MTMR3: variants seen among roughly 807,000 people sequenced by gnomAD.
MTMR3 encodes the protein phosphatidylinositol-3,5-bisphosphate 3-phosphatase MTMR3.
MTMR3 carries 32 observed loss-of-function variants against 132.4 expected under a neutral mutation model. That is an observed-to-expected ratio of 0.24 (90% confidence interval 0.18 to 0.32). The LOEUF (loss-of-function observed/expected upper bound fraction) is 0.32. Among genes scored for constraint, MTMR3 ranks in the 10% least tolerant of loss-of-function variants. The probability of loss-of-function intolerance (pLI) is 1.00; values close to 1 mark genes in which losing one functional copy is unlikely to be tolerated. For missense variants in MTMR3, 1,216 were observed against 1,489.6 expected, an observed-to-expected ratio of 0.82 and a Z score of 3.02; for synonymous variants, 556 against 550.3, an observed-to-expected ratio of 1.01 and a Z score of -0.14.
chr22:29,974,976 CT>C (rs565827849), intron 3 of MTMR3, among the ~76,000 whole-genome samples: 1 of 152,072 alleles, frequency 6.6e-6, no homozygotes, highest in Non-Finnish European at 1.5e-5. Flanking sequence ...CATTTGGTCT[CT>C]TTTTTTGGAG....
In MTMR3 at chr22:29,996,786, G is replaced by A. The variant is rs1484986143; in HGVS notation, c.461-1975G>A. 7 of 152,184 alleles carry A rather than the reference G, an allele frequency of 4.6e-5. No individual in the cohort carries two copies. In the East Asian group the frequency reaches 1.2e-3, roughly 25 times the overall value. 9.4% of individuals were successfully genotyped at this position (152,184 alleles called of 1,614,324 possible). A position where few individuals can be genotyped will look rare whatever the true frequency, so the allele number is the denominator to read the frequency against. ...CTGTTGCCCAGGCTGGAGTGCAATGGTGTGATGATGGCTCACTGCAGCCTC... is the reference window on the plus strand; with the variant it reads ...CTGTTGCCCAGGCTGGAGTGCAATGATGTGATGATGGCTCACTGCAGCCTC... On this transcript the variant is annotated intron_variant, in intron 7 of 19. Transcript: ENST00000401950.
rs144950483 is a variant in MTMR3, at chr22:30,029,297, C to T, written c.*3496C>T. The T allele has an allele frequency of 4.1e-4, 63 of 152,470 alleles. No homozygotes were observed. The highest frequency in any genetic ancestry group is 1.5e-3 in the African/African-American group (61 of 41,576). 9.4% of individuals were successfully genotyped at this position (152,470 alleles called of 1,614,324 possible). ...CGTTACCTTTCTTCTATACCTTGGC[C>T]TCTGTAACTGCAGTCCAAAACAAGT... On this transcript the variant is annotated 3_prime_UTR_variant, in exon 20 of 20. Coordinates refer to ENST00000401950, the MANE Select transcript of MTMR3 (RefSeq NM_021090.4).
chr22:29,964,082 C>A (rs1185992753), intron 2 of MTMR3, among the ~76,000 whole-genome samples: 1 of 152,202 alleles, frequency 6.6e-6, no homozygotes, highest in Admixed American at 6.5e-5. Context: ...TACATTCTCA[C>A]TAGCAGAGTA....
intron 1 of MTMR3, among the ~76,000 whole-genome samples, chr22:29,915,573 C>T (rs868623953): frequency 6.6e-5 from 10 of 152,150 alleles, no homozygotes; most frequent in South Asian, 2.1e-4. Flanking sequence ...AGGCGCCTGC[C>T]ACCATGCCCG....
intron 2 of MTMR3, among the ~76,000 whole-genome samples, chr22:29,959,418 A>C (rs1208213691): frequency 1.3e-5 from 2 of 152,072 alleles, no homozygotes; most frequent in Non-Finnish European, 2.9e-5. Flanking sequence ...TTGTTCTGTC[A>C]CCCAGGCTGG....
chr22:30,011,458 G>C (rs1178074760), intron 12 of MTMR3: 1 of 152,330 alleles, frequency 6.6e-6, no homozygotes, highest in African/African-American at 2.4e-5. Context: ...CACCTCCCGG[G>C]TTCAAGTGAT....
chr22:30,019,585 G>A lies in MTMR3; in HGVS notation c.1926G>A (p.Gln642=). ...ACCCCAGCCTGAACGAGAAGTGGCA[G>A]GAGCACCGGCGCTCACTAGAGCTGA... ...CSDPSLNEKW[Q]EHRRSLELSS... is the part of the protein sequence containing the mutation. Residue 642 remains glutamine (Q), a synonymous_variant, in exon 17 of 20, where the codon CAG becomes CAA. Transcript: ENST00000401950. 2 of 1,613,986 alleles carry A rather than the reference G, an allele frequency of 1.2e-6. No individual in the cohort carries two copies. Among genetic ancestry groups the A allele is most frequent in the Non-Finnish European group, 8.5e-7 (1 of 1,180,056 alleles).
In MTMR3 at chr22:30,022,683, G is replaced by T; in HGVS notation, c.3411G>T (p.Arg1137Ser). ...ACDSAFWLAS[R>S]KHHCRNCGNV... is the part of the protein sequence containing the mutation. Reference sequence around the variant, plus strand: ...ACAGTGCCTTCTGGCTTGCCAGCAGGAAGCACCACTGCAGGTACCATTGAG... The same window carrying T: ...ACAGTGCCTTCTGGCTTGCCAGCAGTAAGCACCACTGCAGGTACCATTGAG... The change falls in exon 19 of 20, where the codon AGG becomes AGT. Residue 1137 changes from arginine to serine, a missense_variant. Arg to Ser is a moderately radical substitution (Grantham distance 110). Around this residue, in one of 7 missense-constraint regions of MTMR3, gnomAD observed 852 missense variants for 852.0 expected, o/e 1.00. Transcript: ENST00000401950. 1 of 1,609,150 alleles carries T rather than the reference G, an allele frequency of 6.2e-7. No homozygotes were observed.
In MTMR3 at chr22:29,970,564, A is replaced by C. The variant is rs554185924; in HGVS notation, c.-84-412A>C. On this transcript the variant is annotated intron_variant, in intron 2 of 19. Transcript: ENST00000401950. The stretch of plus-strand genomic sequence containing the variant: ...ACTCTGTTGCCCAGGCTGGTCTCAA[A>C]CTTCTGAGCTCAGGCTATCTGCCTC... Among the ~76,000 whole-genome samples, 226 of 139,206 alleles carry C rather than the reference A, an allele frequency of 1.6e-3. 1 individual carries two copies. Among genetic ancestry groups the C allele is most frequent in the African/African-American group, 6.0e-3 (216 of 35,960 alleles). 91.3% of individuals were successfully genotyped at this position (139,206 alleles called of 152,430 possible). A position where few individuals can be genotyped will look rare whatever the true frequency, so the allele number is the denominator to read the frequency against.
At chr22:29,995,320 C>T (rs1458119327) in intron 7 of MTMR3, 1 of 152,240 alleles carries the variant, frequency 6.6e-6, no homozygotes, top group Non-Finnish European at 1.5e-5. Context: ...AGAGGTAGTT[C>T]TTACCTTCTC....
rs558013011 is a variant in MTMR3, at chr22:29,891,841, G to C, written c.-138+8482G>C. Among the ~76,000 whole-genome samples the C allele has an allele frequency of 2.6e-5, 4 of 151,996 alleles. No individual in the cohort carries two copies. In the East Asian group the frequency reaches 7.8e-4, roughly 29 times the overall value. Reference sequence around the variant, plus strand: ...TAGTTTTGCTGGTCCAGTTTAGTTGGATCATGAATACCTTTAAAATGTCCC... The same window carrying C: ...TAGTTTTGCTGGTCCAGTTTAGTTGCATCATGAATACCTTTAAAATGTCCC... On this transcript the variant is annotated intron_variant, in intron 1 of 19. Transcript: ENST00000401950.
rs1297213808 is a variant in MTMR3, at chr22:30,002,868, T to C, written c.558-12T>C. The C allele has an allele frequency of 6.2e-7, 1 of 1,605,072 alleles. No individual in the cohort carries two copies. The highest frequency in any genetic ancestry group is 8.5e-7 in the Non-Finnish European group (1 of 1,171,944). On this transcript the variant is annotated splice_polypyrimidine_tract_variant and intron_variant, in intron 8 of 19. Transcript: ENST00000401950. The stretch of plus-strand genomic sequence containing the variant: ...TCCCCTTGACTCTCCCCACTTCTCA[T>C]CTTCTCTTTAGATTATGTGGTAGCT...
At chr22:29,984,049 G>A (rs144017873) in intron 5 of MTMR3, 448 of 152,014 alleles carry the variant, frequency 2.9e-3, no homozygotes, top group Admixed American at 5.0e-3. Flanking sequence ...GAACTCCTGG[G>A]CTCAAGCGAT....
At chr22:29,988,747 T>G (rs950102246) in intron 6 of MTMR3, 185 bp downstream of exon 6, 7 of 208,230 alleles carry the variant, frequency 3.4e-5, no homozygotes, top group Non-Finnish European at 5.4e-5. Context: ...TTGAAAGATG[T>G]TTTTTTTTTT....
rs556857644 is a variant in MTMR3, at chr22:30,030,700, C to T, written c.*4899C>T. 7 of 150,124 alleles carry T rather than the reference C, an allele frequency of 4.7e-5. No homozygotes were observed. Among genetic ancestry groups the T allele is most frequent in the East Asian group, 1.9e-4 (1 of 5,168 alleles). The allele number at this position is 150,124 out of a possible 1,614,324, so 9.3% of individuals were successfully genotyped here. A position where few individuals can be genotyped will look rare whatever the true frequency, so the allele number is the denominator to read the frequency against. Reference sequence around the variant, plus strand: ...TTCATGGATTCCTGATGTTTAGAGGCGGAAGGGACCTTAGGTCACCTACTT... The same window carrying T: ...TTCATGGATTCCTGATGTTTAGAGGTGGAAGGGACCTTAGGTCACCTACTT... On this transcript the variant is annotated 3_prime_UTR_variant, in exon 20 of 20. Coordinates refer to ENST00000401950, the MANE Select transcript of MTMR3 (RefSeq NM_021090.4).
chr22:30,016,256 G>A, intron 14 of MTMR3: 1 of 386,644 alleles, frequency 2.6e-6, no homozygotes, highest in African/African-American at 2.0e-5. Context: ...TGTGGCGCTT[G>A]TGAGAGTGGC....
At chr22:29,896,075 G>C (rs868281588) in intron 1 of MTMR3, among the ~76,000 whole-genome samples, 4 of 152,190 alleles carry the variant, frequency 2.6e-5, no homozygotes, top group Non-Finnish European at 4.4e-5. Flanking sequence ...TTTGGGAGGC[G>C]GAGGTGGGCA....
Position 30,020,606 on chromosome 22 carries a change from C to A in MTMR3, c.2947C>A (p.His983Asn), listed in dbSNP as rs1569055014. ...QLSAMSCSSAHLHSRNLHHKW... is the reference protein window; with the variant it reads ...QLSAMSCSSANLHSRNLHHKW... The stretch of plus-strand genomic sequence containing the variant: ...GTCTGCTATGAGCTGCAGCTCTGCC[C>A]ACTTACACTCAAGGAACTTGCACCA... The change falls in exon 17 of 20, where the codon CAC becomes AAC. Residue 983 changes from histidine (H) to asparagine (N), a missense_variant. By Grantham distance (68) the His-to-Asn change is moderately conservative. Coordinates refer to ENST00000401950, the MANE Select transcript of MTMR3 (RefSeq NM_021090.4). 6.2e-7 allele frequency: 1 copy of A among 1,614,196 alleles called. No individual in the cohort carries two copies.
At chr22:29,966,131 A>G (rs1191713127) in intron 2 of MTMR3, among the ~76,000 whole-genome samples, 1 of 152,210 alleles carries the variant, frequency 6.6e-6, no homozygotes, top group African/African-American at 2.4e-5. Context: ...ATCTTGTTTC[A>G]GAGGTACTCC....
Sources: allele counts gnomAD v4.1 joint callset (sites outside exome capture counted in the v4.1 genomes callset), GRCh38; gene constraint gnomAD v4.1.1; regional missense constraint gnomAD v4.1.1; transcripts MANE v1.5; gene names NCBI Gene and HGNC (gene_info 2026-07-23, HGNC 2026-07-21).